Variants in LRRC4C observed in about 807,000 individuals in gnomAD.
LRRC4C encodes leucine rich repeat containing 4C, also known as leucine-rich repeat-containing protein 4C.
In LRRC4C, 5 loss-of-function variants were observed where a neutral mutation model predicts 33.6. The observed-to-expected ratio is 0.15, with a 90% CI of 0.08 to 0.31. The LOEUF (loss-of-function observed/expected upper bound fraction) is 0.31. Among genes scored for constraint, LRRC4C ranks in the 10% least tolerant of loss-of-function variants. The pLI is 1.00. For missense variants in LRRC4C, 560 were observed against 796.7 expected, an observed-to-expected ratio of 0.70 and a Z score of 3.58; for synonymous variants, 329 against 302.0, an observed-to-expected ratio of 1.09 and a Z score of -0.93.
chr11:41,386,702 T>G (rs1485835501), intron 1 of LRRC4C, among the ~76,000 whole-genome samples: 1 of 151,756 alleles, frequency 6.6e-6, no homozygotes, highest in East Asian at 1.9e-4. Context: ...TGCTTCCTTT[T>G]TCATCTAGAG....
At chr11:40,287,794 C>A (rs984056544) in intron 4 of LRRC4C, among the ~76,000 whole-genome samples, 1 of 152,186 alleles carries the variant, frequency 6.6e-6, no homozygotes, top group Admixed American at 6.5e-5. Context: ...ATATTTCAAT[C>A]TTTACTGACG....
intron 2 of LRRC4C, among the ~76,000 whole-genome samples, chr11:40,751,774 C>T (rs1203221838): frequency 6.6e-6 from 1 of 151,822 alleles, no homozygotes; most frequent in Non-Finnish European, 1.5e-5. Context: ...TGCATGGAAC[C>T]AAAAAGGAGC....
chr11:40,912,780 G>A (rs1463308002), intron 2 of LRRC4C, among the ~76,000 whole-genome samples: 3 of 152,232 alleles, frequency 2.0e-5, no homozygotes, highest in Non-Finnish European at 4.4e-5. Flanking sequence ...AGACCCATCA[G>A]TGTGCTGTAT....
intron 1 of LRRC4C, among the ~76,000 whole-genome samples, chr11:41,436,470 A>G (rs952583011): frequency 6.6e-6 from 1 of 152,218 alleles, no homozygotes; most frequent in Non-Finnish European, 1.5e-5. Context: ...AAGGAGGACC[A>G]GGGAAGAAAA....
chr11:40,120,162 C>T (rs997064319), intron 6 of LRRC4C, among the ~76,000 whole-genome samples: 3 of 152,194 alleles, frequency 2.0e-5, no homozygotes, highest in Non-Finnish European at 4.4e-5. Flanking sequence ...CAGCCATCTC[C>T]TGATCTGTTG....
intron 3 of LRRC4C, among the ~76,000 whole-genome samples, chr11:40,548,274 T>G (rs967237432): frequency 4.6e-5 from 7 of 152,082 alleles, no homozygotes; most frequent in Non-Finnish European, 1.0e-4. Context: ...CATGTGACTT[T>G]ATTTAGAGAG....
chr11:40,228,646 T>C (rs961436053), intron 5 of LRRC4C, among the ~76,000 whole-genome samples: 1 of 152,222 alleles, frequency 6.6e-6, no homozygotes, highest in African/African-American at 2.4e-5. Flanking sequence ...CCACTAACAA[T>C]GATCCCTTGC....
chr11:40,327,611 C>T (rs1425672432), intron 3 of LRRC4C, among the ~76,000 whole-genome samples: 1 of 152,252 alleles, frequency 6.6e-6, no homozygotes. Flanking sequence ...GTCAGTCCAT[C>T]TGTCAGTCTA....
chr11:40,512,621 C>A (rs1214787515), intron 3 of LRRC4C, among the ~76,000 whole-genome samples: 1 of 152,096 alleles, frequency 6.6e-6, no homozygotes, highest in Admixed American at 6.5e-5. Context: ...CATGTAACAC[C>A]AGAGCATCTC....
chr11:41,134,518 A>G (rs1943169518), intron 1 of LRRC4C, among the ~76,000 whole-genome samples: 1 of 152,188 alleles, frequency 6.6e-6, no homozygotes, highest in South Asian at 2.1e-4. Flanking sequence ...ATTTCTCTTA[A>G]AAGGTAGAAT....
intron 5 of LRRC4C, among the ~76,000 whole-genome samples, chr11:40,205,982 T>A: frequency 6.6e-6 from 1 of 152,308 alleles, no homozygotes; most frequent in Middle Eastern, 3.4e-3. Flanking sequence ...ACATATATTT[T>A]ATTTGTATCT....
intron 1 of LRRC4C, among the ~76,000 whole-genome samples, chr11:41,179,394 T>C (rs1945346726): frequency 6.6e-6 from 1 of 152,200 alleles, no homozygotes; most frequent in African/African-American, 2.4e-5. Context: ...TACTTTCTAA[T>C]GGTCTTTCCA....
chr11:41,021,182 A>T (rs1179529943), intron 1 of LRRC4C, among the ~76,000 whole-genome samples: 1 of 119,500 alleles, frequency 8.4e-6, no homozygotes, highest in African/African-American at 3.6e-5. Context: ...AGAGAGAGAG[A>T]GAGAGAGAGA....
At chr11:40,578,202 T>C (rs1958306270) in intron 3 of LRRC4C, among the ~76,000 whole-genome samples, 1 of 133,944 alleles carries the variant, frequency 7.5e-6, no homozygotes. Context: ...CTTTCTGAAA[T>C]TTTTCTCTCT....
At chr11:41,307,013 T>G (rs2137145970) in intron 1 of LRRC4C, among the ~76,000 whole-genome samples, 1 of 152,330 alleles carries the variant, frequency 6.6e-6, no homozygotes, top group South Asian at 2.1e-4. Flanking sequence ...AACTTTGGCT[T>G]TGTTACCAAC....
intron 1 of LRRC4C, among the ~76,000 whole-genome samples, chr11:41,206,082 T>C (rs1207758699): frequency 6.6e-6 from 1 of 152,168 alleles, no homozygotes; most frequent in Non-Finnish European, 1.5e-5. Flanking sequence ...GAAAAGCTTT[T>C]TATGACAATT....
chr11:41,180,862 C>T (rs1414412876), intron 1 of LRRC4C, among the ~76,000 whole-genome samples: 1 of 151,552 alleles, frequency 6.6e-6, no homozygotes, highest in Non-Finnish European at 1.5e-5. Flanking sequence ...AAATGTGGTA[C>T]AAAATGACAC....
intron 1 of LRRC4C, among the ~76,000 whole-genome samples, chr11:41,169,875 T>G (rs1241290222): frequency 1.3e-5 from 2 of 152,168 alleles, no homozygotes; most frequent in East Asian, 3.9e-4. Flanking sequence ...TAATATGAAA[T>G]AAATCACTGG....
At chr11:40,675,756 A>C (rs948557725) in intron 2 of LRRC4C, among the ~76,000 whole-genome samples, 1 of 152,224 alleles carries the variant, frequency 6.6e-6, no homozygotes, top group African/African-American at 2.4e-5. Context: ...GGATATATTC[A>C]CACAGTCTTT....
Sources: allele counts gnomAD v4.1 joint callset (sites outside exome capture counted in the v4.1 genomes callset), GRCh38; gene constraint gnomAD v4.1.1; transcripts MANE v1.5; gene names NCBI Gene and HGNC (gene_info 2026-07-23, HGNC 2026-07-21).